TIAM1: variants seen among roughly 807,000 people sequenced by gnomAD.
The protein encoded by TIAM1 is rho guanine nucleotide exchange factor TIAM1.
Under a neutral mutation model 163.5 loss-of-function variants are expected in TIAM1, and 65 were observed. That is an observed-to-expected ratio of 0.40 (90% CI 0.33 to 0.49). The LOEUF is 0.49. Among genes scored for constraint, TIAM1 ranks in the 20% least tolerant of loss-of-function variants. TIAM1 has a pLI of 0.77. For missense variants in TIAM1, 1,789 were observed against 2,044.7 expected (o/e 0.87, Z 2.41); for synonymous variants, 833 against 810.1 (o/e 1.03, Z -0.48).
At chr21:31,492,776 TACAC>T (rs3055373) in intron 1 of TIAM1, among the ~76,000 whole-genome samples, 9,088 of 139,606 alleles carry the variant, frequency 0.065, 553 homozygotes, top group East Asian at 0.33. Flanking sequence ...TATTTTGGGT[TACAC>T]ACACACACAC....
rs756235254 is a variant in TIAM1, at chr21:31,195,438, CG to C, written c.2494-134del. ...TGCACTTCACAATCTTATCATTAAA[CG>C]AAACTCATTAAAAGTAAAAAGTAAA... On this transcript the variant is annotated intron_variant, in intron 12 of 27. Coordinates refer to ENST00000541036, the MANE Select transcript of TIAM1 (RefSeq NM_001353694.2). 32 of 645,032 alleles carry C rather than the reference CG, an allele frequency of 5.0e-5. 1 individual carries two copies. The highest frequency in any genetic ancestry group is 7.3e-5 in the Non-Finnish European group (28 of 383,384). 40.0% of individuals were successfully genotyped at this position (645,032 alleles called of 1,614,324 possible). A position where few individuals can be genotyped will look rare whatever the true frequency, so the allele number is the denominator to read the frequency against.
chr21:31,474,028 G>A (rs1329357921), intron 1 of TIAM1, among the ~76,000 whole-genome samples: 1 of 152,150 alleles, frequency 6.6e-6, no homozygotes, highest in African/African-American at 2.4e-5. Flanking sequence ...AGAGGCAAAG[G>A]GGGAGCAGAC....
At chr21:31,223,898 T>G (rs949252883) in intron 7 of TIAM1, among the ~76,000 whole-genome samples, 2 of 152,064 alleles carry the variant, frequency 1.3e-5, no homozygotes, top group Non-Finnish European at 2.9e-5. Context: ...GAAGTAAAAA[T>G]GTAGAGATTT....
chr21:31,451,205 G>A (rs930452983), intron 2 of TIAM1, among the ~76,000 whole-genome samples: 3 of 152,146 alleles, frequency 2.0e-5, no homozygotes, highest in East Asian at 1.9e-4. Context: ...CCACAGGTGC[G>A]GCCAGCCCAC....
chr21:31,194,697 C>T (rs910794315), intron 13 of TIAM1, among the ~76,000 whole-genome samples: 21 of 152,264 alleles, frequency 1.4e-4, no homozygotes, highest in East Asian at 3.9e-4. Flanking sequence ...CATGAGATTC[C>T]GGTCTACCTG....
chr21:31,483,515 T>C (rs539185000), intron 1 of TIAM1, among the ~76,000 whole-genome samples: 1 of 152,006 alleles, frequency 6.6e-6, no homozygotes, highest in Non-Finnish European at 1.5e-5. Flanking sequence ...TTTCTAAGAG[T>C]AGAAGCAGCT....
chr21:31,473,463 A>T (rs8133007), intron 1 of TIAM1, among the ~76,000 whole-genome samples: 3 of 120,184 alleles, frequency 2.5e-5, no homozygotes, highest in African/African-American at 6.6e-5. Flanking sequence ...AAAAAAAAAA[A>T]AAACATGGCT....
intron 1 of TIAM1, among the ~76,000 whole-genome samples, chr21:31,547,724 G>A (rs775376788): frequency 6.6e-6 from 1 of 152,156 alleles, no homozygotes; most frequent in Non-Finnish European, 1.5e-5. Context: ...AAATGTCATG[G>A]TAGACCATGC....
chr21:31,532,032 C>A (rs2047988254), intron 1 of TIAM1, among the ~76,000 whole-genome samples: 2 of 152,040 alleles, frequency 1.3e-5, no homozygotes, highest in Non-Finnish European at 1.5e-5. Flanking sequence ...TAGGAGGATT[C>A]CTTGAGCCTG....
chr21:31,317,366 T>C (rs367806118), intron 2 of TIAM1, among the ~76,000 whole-genome samples: 2 of 152,066 alleles, frequency 1.3e-5, no homozygotes, highest in Non-Finnish European at 2.9e-5. Flanking sequence ...AGGAGGAGAA[T>C]TGCTTGAACT....
At chr21:31,180,576 C>T (rs2084968088) in intron 15 of TIAM1, among the ~76,000 whole-genome samples, 1 of 151,780 alleles carries the variant, frequency 6.6e-6, no homozygotes, top group African/African-American at 2.4e-5. Flanking sequence ...AGAAAAAAAT[C>T]CAAAGAAAGT....
chr21:31,499,197 G>C (rs1288126604), intron 1 of TIAM1, among the ~76,000 whole-genome samples: 1 of 152,068 alleles, frequency 6.6e-6, no homozygotes, highest in East Asian at 1.9e-4. Context: ...ACAAGGGATG[G>C]GGAAGGTCCT....
At chr21:31,150,429 T>A (rs906965589) in intron 19 of TIAM1, among the ~76,000 whole-genome samples, 1 of 152,114 alleles carries the variant, frequency 6.6e-6, no homozygotes, top group Non-Finnish European at 1.5e-5. Context: ...TATACACATA[T>A]GAACAGCTCA....
At chr21:31,198,956 T>C (rs2086034398) in intron 12 of TIAM1, among the ~76,000 whole-genome samples, 1 of 152,244 alleles carries the variant, frequency 6.6e-6, no homozygotes, top group Non-Finnish European at 1.5e-5. Flanking sequence ...TTAAAATATA[T>C]TTTCAATGCA....
Position 31,127,107 on chromosome 21 carries a change from T to A in TIAM1, c.4091A>T (p.Glu1364Val), listed in dbSNP as rs140578975. Residue 1364 changes from glutamate to valine, a missense_variant, in exon 26 of 28, where the codon GAG becomes GTG. Glu to Val is a moderately radical substitution (Grantham distance 121, BLOSUM62 -2). Transcript: ENST00000541036. ...GACCCTCTCCGGCCTCCCTTCAGAC[T>A]CGGATTTTACATGGACAATTTCACA... ...AVCEIVHVKS[E>V]SEGRPERVFH... 6.2e-7 allele frequency: 1 copy of A among 1,614,084 alleles called. No individual in the cohort carries two copies. Among genetic ancestry groups the A allele is most frequent in the Non-Finnish European group, 8.5e-7 (1 of 1,179,938 alleles).
At chr21:31,410,092 T>G (rs2077320485) in intron 2 of TIAM1, among the ~76,000 whole-genome samples, 1 of 140,574 alleles carries the variant, frequency 7.1e-6, no homozygotes, top group Non-Finnish European at 1.5e-5. Context: ...TAGCAGTGTG[T>G]GTGTGTGTGT....
At chr21:31,287,837 A>C (rs1400037040) in intron 2 of TIAM1, among the ~76,000 whole-genome samples, 1 of 152,236 alleles carries the variant, frequency 6.6e-6, no homozygotes, top group Non-Finnish European at 1.5e-5. Flanking sequence ...TGGGAGTTAC[A>C]TGATCAAACA....
At chr21:31,165,714 T>C (rs555572962) in intron 15 of TIAM1, among the ~76,000 whole-genome samples, 1 of 151,736 alleles carries the variant, frequency 6.6e-6, no homozygotes, top group African/African-American at 2.4e-5. Flanking sequence ...AAAAATTAAC[T>C]GATTTTGTTG....
chr21:31,376,213 A>C (rs1337369492), intron 2 of TIAM1, among the ~76,000 whole-genome samples: 1 of 152,112 alleles, frequency 6.6e-6, no homozygotes. Flanking sequence ...AGTAGCATGA[A>C]CAGATGTATA....
Sources: allele counts gnomAD v4.1 joint callset (sites outside exome capture counted in the v4.1 genomes callset), GRCh38; gene constraint gnomAD v4.1.1; transcripts MANE v1.5; gene names NCBI Gene and HGNC (gene_info 2026-07-23, HGNC 2026-07-21).